Variants in CLUH observed in about 807,000 individuals in gnomAD.
CLUH encodes CLUH binding protein of NUMT mRNA, also known as clustered mitochondria protein homolog.
CLUH carries 77 observed loss-of-function variants against 139.3 expected under a neutral mutation model. The observed-to-expected ratio is 0.55, with a 90% CI of 0.46 to 0.67. The LOEUF (loss-of-function observed/expected upper bound fraction) is 0.67. CLUH is among the 30% of genes least tolerant of loss of function. The pLI is 0.00. For synonymous variants in CLUH, 999 were observed against 801.6 expected (o/e 1.25, Z -4.16); for missense variants, 1,876 against 1,875.8 (o/e 1.00, Z 0.00).
intron 1 of CLUH, chr17:2,708,115 C>T (rs945470348): frequency 2.4e-5 from 12 of 494,270 alleles, no homozygotes; most frequent in South Asian, 8.6e-5. Context: ...TTCCCAGGGC[C>T]TCTGACATGC....
rs746244540 is a variant in CLUH at position 2,704,501 on chromosome 17, G to A, written c.164C>T (p.Ala55Val). The change falls in exon 2 of 26, where the codon GCG becomes GTG. Residue 55 changes from alanine to valine, a missense_variant. By Grantham distance (64) the Ala-to-Val change is moderately conservative. This residue lies in a region of CLUH where 152 missense variants were observed against 136.7 expected (regional missense o/e 1.11). Transcript: ENST00000651024. The surrounding 1 kb of genome is among the most constrained non-coding windows in gnomAD (Gnocchi z 5.7). ...CPESLKKEAA[A>V]AEPPRENGLD... Reference sequence around the variant, plus strand: ...CCCATTTTCCCTGGGTGGCTCGGCCGCCGCCGCCTCCTTCTTCAGGCTCTC... The same window carrying A: ...CCCATTTTCCCTGGGTGGCTCGGCCACCGCCGCCTCCTTCTTCAGGCTCTC... 12 of 1,586,220 alleles carry A rather than the reference G, an allele frequency of 7.6e-6. No individual in the cohort carries two copies. Among genetic ancestry groups the A allele is most frequent in the East Asian group, 4.6e-5 (2 of 43,252 alleles).
Position 2,690,348 on chromosome 17 carries a change from A to T in CLUH, c.*246T>A, listed in dbSNP as rs1294767261. ...ACACCTGCCCCCCAGCCGGGAACTG[A>T]TGGCCGCACACGCCATTCACGTGTC... On this transcript the variant is annotated 3_prime_UTR_variant, in exon 26 of 26. Coordinates refer to ENST00000651024, the MANE Select transcript of CLUH (RefSeq NM_001366661.1). The T allele has an allele frequency of 2.4e-6, 1 of 414,552 alleles. No individual in the cohort carries two copies. Among genetic ancestry groups the T allele is most frequent in the East Asian group, 3.6e-5 (1 of 27,412 alleles). The allele number at this position is 414,552 out of a possible 1,614,324, so 25.7% of individuals were successfully genotyped here.
chr17:2,702,579 A>C (rs1371373824), intron 3 of CLUH, among the ~76,000 whole-genome samples: 2 of 151,994 alleles, frequency 1.3e-5, no homozygotes, highest in Non-Finnish European at 2.9e-5. Flanking sequence ...TGAGCTACAG[A>C]CCTTTTCCGT....
intron 8 of CLUH, 85 bp from the exon 9 acceptor site, chr17:2,700,559 G>C: frequency 6.4e-7 from 1 of 1,550,568 alleles, no homozygotes; most frequent in Non-Finnish European, 8.7e-7. Context: ...ACCTTCCTGA[G>C]AAGAGCCCCA....
At position 2,693,141 on chromosome 17, in the gene CLUH, C is replaced by CAAAAAAAAAAAAAAAAAAAAA. The variant is rs71377528; in HGVS notation, c.3232-282_3232-281insTTTTTTTTTTTTTTTTTTTTT. Among the ~76,000 whole-genome samples, 4 of 73,786 alleles carry CAAAAAAAAAAAAAAAAAAAAA rather than the reference C, an allele frequency of 5.4e-5. 1 individual carries two copies. Among genetic ancestry groups the CAAAAAAAAAAAAAAAAAAAAA allele is most frequent in the South Asian group, 7.9e-4 (1 of 1,272 alleles). The allele number at this position is 73,786 out of a possible 152,430, so 48.4% of individuals were successfully genotyped here. A position where few individuals can be genotyped will look rare whatever the true frequency, so the allele number is the denominator to read the frequency against. ...AAACCTAAAACTACTAAAAATGTTA[C>CAAAAAAAAAAAAAAAAAAAAA]AAAAAAAAAAAAAAAGCCTGAGCAG... On this transcript the variant is annotated intron_variant, in intron 19 of 25. Coordinates refer to ENST00000651024, the MANE Select transcript of CLUH (RefSeq NM_001366661.1).
At chr17:2,694,073 AC>A in intron 18 of CLUH, 34 bp from the exon 19 acceptor site, 1 of 1,613,828 alleles carries the variant, frequency 6.2e-7, no homozygotes, top group Non-Finnish European at 8.5e-7. Flanking sequence ...CAAGGTCAGG[AC>A]GGGCCATGGG....
Position 2,691,676 on chromosome 17 carries a change from C to A in CLUH, c.3796G>T (p.Ala1266Ser). 6.2e-7 allele frequency: 1 copy of A among 1,611,856 alleles called. No individual in the cohort carries two copies. The highest frequency in any genetic ancestry group is 8.5e-7 in the Non-Finnish European group (1 of 1,178,972). The change falls in exon 25 of 26, where the codon GCC (alanine) becomes TCC (serine). Residue 1266 changes from alanine (A) to serine (S), a missense_variant. Ala to Ser is a moderately conservative substitution (Grantham distance 99). Transcript: ENST00000651024. ...TCCAAGACGCTGGCCATGCTGGGGGCCGTGAACTGCGGGGCGGGGAAACCA... is the reference window on the plus strand; with the variant it reads ...TCCAAGACGCTGGCCATGCTGGGGGACGTGAACTGCGGGGCGGGGAAACCA... ...SANIPPLKFT[A>S]PSMASVLEQL...
intron 19 of CLUH, among the ~76,000 whole-genome samples, chr17:2,693,461 G>A (rs920515451): frequency 6.6e-6 from 1 of 152,072 alleles, no homozygotes; most frequent in African/African-American, 2.4e-5. Context: ...TCCCTTTGCA[G>A]GGAGTAGGGA....
In CLUH at chr17:2,694,619, A is replaced by G. The variant is rs1597603373; in HGVS notation, c.2853-55T>C. ...CCAAGCACCGCCGGGCCCCCCCAAC[A>G]CCGCCCCACCCAGCTCCCCAACGCT... On this transcript the variant is annotated intron_variant, in intron 16 of 25. Coordinates refer to ENST00000651024, the MANE Select transcript of CLUH (RefSeq NM_001366661.1). 8.9e-6 allele frequency: 13 copies of G among 1,456,086 alleles called. No homozygotes were observed. The South Asian group carries it at 1.5e-4, about 16-fold the overall frequency. 90.2% of individuals were successfully genotyped at this position (1,456,086 alleles called of 1,614,324 possible).
chr17:2,697,838 G>A (rs1273273347), intron 10 of CLUH, 58 bp downstream of exon 10: 53 of 1,415,026 alleles, frequency 3.7e-5, no homozygotes, highest in Non-Finnish European at 4.8e-5. Flanking sequence ...GATCCACCCA[G>A]GGCGCCCGCA....
chr17:2,707,968 C>T lies in CLUH; in HGVS notation c.101-3404G>A. On this transcript the variant is annotated intron_variant, in intron 1 of 25. Transcript: ENST00000651024. This position sits in a 1 kb window ranked among gnomAD's most constrained non-coding sequence, Gnocchi z 7.4. The stretch of plus-strand genomic sequence containing the variant: ...CCTCCAGGCTCCATCAAGAAGCTGG[C>T]AGGCTCCATCTTCCCTTCCCAGCAG... 1 of 985,434 alleles carries T rather than the reference C, an allele frequency of 1.0e-6. No homozygotes were observed. The highest frequency in any genetic ancestry group is 6.1e-5 in the Admixed American group (1 of 16,294). 61.0% of individuals were successfully genotyped at this position (985,434 alleles called of 1,614,324 possible).
chr17:2,694,830 A>ACCCCACCCC, intron 16 of CLUH, 27 bp downstream of exon 16: 1 of 734,658 alleles, frequency 1.4e-6, no homozygotes, highest in Non-Finnish European at 2.0e-6. Context: ...AATCCCACCC[A>ACCCCACCCC]CCCCACCGCC....
intron 3 of CLUH, 141 bp from the exon 4 acceptor site, chr17:2,702,198 G>C (rs2070211095): frequency 1.0e-6 from 1 of 991,912 alleles, no homozygotes; most frequent in African/African-American, 1.6e-5. Flanking sequence ...ATTCCACTGT[G>C]AACACATAAG....
chr17:2,696,902 G>T lies in CLUH; in HGVS notation c.2002C>A (p.Gln668Lys). The T allele has an allele frequency of 6.2e-7, 1 of 1,608,856 alleles. No individual in the cohort carries two copies. The highest frequency in any genetic ancestry group is 8.5e-7 in the Non-Finnish European group (1 of 1,177,852). Residue 668 changes from glutamine to lysine, a missense_variant, in exon 11 of 26, where the codon CAG becomes AAG. Physicochemically the swap from Gln to Lys is moderately conservative, Grantham distance 53. Coordinates refer to ENST00000651024, the MANE Select transcript of CLUH (RefSeq NM_001366661.1). ...GTCTCCAGCTGGCTGGCGTTCTGCT[G>T]CATCAGCTGCAAGGCGGCCAGCTTC... ...FMKLAALQLMQQNASQLETPS... is the reference protein window; with the variant it reads ...FMKLAALQLMKQNASQLETPS...
chr17:2,695,396 C>T lies in CLUH; in HGVS notation c.2522G>A (p.Arg841His), dbSNP rs570575594. The T allele has an allele frequency of 3.3e-5, 54 of 1,612,658 alleles. No individual in the cohort carries two copies. The highest frequency in any genetic ancestry group is 2.9e-4 in the South Asian group (26 of 91,032). The change falls in exon 14 of 26, where the codon CGC becomes CAC. Residue 841 changes from arginine to histidine, a missense_variant. Physicochemically the swap from Arg to His is conservative, Grantham distance 29 (BLOSUM62 0). Around this residue, in one of 3 missense-constraint regions of CLUH, gnomAD observed 1,454 missense variants for 1,384.4 expected, o/e 1.05. Coordinates refer to ENST00000651024, the MANE Select transcript of CLUH (RefSeq NM_001366661.1). ...CACAAAGACGTGGTCCAGCTGGTGG[C>T]GGGCCGGGCTCCGCAGCACCAGCTC... The part of the protein sequence containing the change: ...VLELVLRSPA[R>H]HQLDHVFKIG...
intron 19 of CLUH, 59 bp downstream of exon 19, chr17:2,693,841 C>T: frequency 6.5e-7 from 1 of 1,546,434 alleles, no homozygotes; most frequent in Non-Finnish European, 8.7e-7. Flanking sequence ...TCAGGGGCCC[C>T]CTCACTCCCC....
At chr17:2,692,289 T>A in intron 22 of CLUH, 72 bp downstream of exon 22, 1 of 1,467,750 alleles carries the variant, frequency 6.8e-7, no homozygotes, top group Non-Finnish European at 9.0e-7. Context: ...GAGCACTGGG[T>A]CTCTTCCCCG....
rs1328426158 is a variant in CLUH, at chr17:2,692,105, G to T, written c.3561-8C>A. ...CGGGCGACAAGGTGGTGGCTGCCGG[G>T]AGGCGCGGCGCGGGGCGAGGGAAGG... On this transcript the variant is annotated splice_polypyrimidine_tract_variant and splice_region_variant and intron_variant, in intron 22 of 25. Coordinates refer to ENST00000651024, the MANE Select transcript of CLUH (RefSeq NM_001366661.1). 10 of 1,596,382 alleles carry T rather than the reference G, an allele frequency of 6.3e-6. No homozygotes were observed. The highest frequency in any genetic ancestry group is 1.3e-5 in the African/African-American group (1 of 74,654).
Position 2,694,220 on chromosome 17 carries a change from C to G in CLUH, c.2994G>C (p.Glu998Asp), listed in dbSNP as rs1266786328. The part of the protein sequence containing the change: ...DSRHKPAFTE[E>D]DVLNIFPVVK... ...CCACGGGGAAGATGTTGAGCACGTC[C>G]TCCTCGGTGAACGCGGGCTTGTGGC... The change falls in exon 18 of 26, where the codon GAG (glutamate) becomes GAC (aspartate). Residue 998 changes from glutamate (E) to aspartate (D), a missense_variant. Transcript: ENST00000651024. 6.2e-7 allele frequency: 1 copy of G among 1,613,104 alleles called. No individual in the cohort carries two copies. The highest frequency in any genetic ancestry group is 8.5e-7 in the Non-Finnish European group (1 of 1,179,484).
Sources: allele counts gnomAD v4.1 joint callset (sites outside exome capture counted in the v4.1 genomes callset), GRCh38; gene constraint gnomAD v4.1.1; regional missense constraint gnomAD v4.1.1; non-coding constraint Gnocchi (gnomAD v3.1); transcripts MANE v1.5; gene names NCBI Gene and HGNC (gene_info 2026-07-23, HGNC 2026-07-21).